Variants in RSRC1 observed in about 807,000 individuals in gnomAD.
RSRC1 encodes the protein arginine and serine rich coiled-coil 1, also known as serine/Arginine-related protein 53.
RSRC1 carries 39 observed loss-of-function variants against 49.1 expected under a neutral mutation model. The ratio of observed to expected loss-of-function variants is 0.79; its 90% CI spans 0.61 to 1.04. RSRC1 has a LOEUF of 1.04. Among genes scored for constraint, RSRC1 ranks in the 50% least tolerant of loss-of-function variants. The pLI, the probability that RSRC1 is intolerant of heterozygous loss-of-function variation, is 0.00. For missense variants in RSRC1, 388 were observed against 402.4 expected (o/e 0.96, Z 0.31); for synonymous variants, 143 against 130.8 (o/e 1.09, Z -0.63).
chr3:158,170,550 A>G (rs1718822732), intron 3 of RSRC1, among the ~76,000 whole-genome samples: 1 of 152,172 alleles, frequency 6.6e-6, no homozygotes, highest in African/African-American at 2.4e-5. Context: ...TGGAAACAAT[A>G]GCAAGTAGAC....
chr3:158,256,034 C>G (rs2108023493), intron 4 of RSRC1, among the ~76,000 whole-genome samples: 1 of 152,164 alleles, frequency 6.6e-6, no homozygotes, highest in African/African-American at 2.4e-5. Context: ...TCCTCTTTTC[C>G]TATTTGAATA....
At chr3:158,540,813 A>G (rs1017564826) in intron 8 of RSRC1, among the ~76,000 whole-genome samples, 4 of 152,214 alleles carry the variant, frequency 2.6e-5, no homozygotes, top group African/African-American at 9.6e-5. Context: ...CCATCTGACC[A>G]TTACAGAATA....
intron 6 of RSRC1, among the ~76,000 whole-genome samples, chr3:158,445,664 G>GA (rs987656272): frequency 6.6e-6 from 1 of 151,562 alleles, no homozygotes; most frequent in African/African-American, 2.4e-5. Flanking sequence ...CAACAACAAC[G>GA]AAAAAAACGA....
chr3:158,424,195 G>C (rs1735263463), intron 6 of RSRC1, among the ~76,000 whole-genome samples: 1 of 152,096 alleles, frequency 6.6e-6, no homozygotes, highest in Non-Finnish European at 1.5e-5. Context: ...TGCCCATTCA[G>C]TATGATACTG....
intron 3 of RSRC1, among the ~76,000 whole-genome samples, chr3:158,155,354 A>T (rs1717796322): frequency 6.6e-6 from 1 of 152,242 alleles, no homozygotes; most frequent in South Asian, 2.1e-4. Flanking sequence ...GTGTTAGCAG[A>T]CATGGAAACA....
chr3:158,200,831 T>C (rs1237760842), intron 3 of RSRC1, among the ~76,000 whole-genome samples: 1 of 152,174 alleles, frequency 6.6e-6, no homozygotes, highest in African/African-American at 2.4e-5. Context: ...CTACTTTCAG[T>C]ATAAACCTTA....
intron 1 of RSRC1, among the ~76,000 whole-genome samples, chr3:158,111,655 T>C (rs1384609207): frequency 6.6e-6 from 1 of 152,236 alleles, no homozygotes; most frequent in African/African-American, 2.4e-5. Flanking sequence ...ACCCCAGTTT[T>C]ACTTTTCTTC....
chr3:158,276,041 T>G, intron 4 of RSRC1: 1 of 853,444 alleles, frequency 1.2e-6, no homozygotes. Context: ...TCAAAAAATT[T>G]CTATGTGGGA....
At chr3:158,149,239 G>A (rs188415643) in intron 3 of RSRC1, among the ~76,000 whole-genome samples, 3 of 152,086 alleles carry the variant, frequency 2.0e-5, no homozygotes, top group African/African-American at 7.2e-5. Context: ...AAGCTCCTTT[G>A]ATATTTCTAT....
chr3:158,494,730 A>G (rs1415204749), intron 7 of RSRC1, among the ~76,000 whole-genome samples: 1 of 152,122 alleles, frequency 6.6e-6, no homozygotes, highest in Non-Finnish European at 1.5e-5. Flanking sequence ...TTTTTCGTTA[A>G]AACTAGGACT....
chr3:158,200,390 G>A (rs1445662907), intron 3 of RSRC1, among the ~76,000 whole-genome samples: 1 of 152,084 alleles, frequency 6.6e-6, no homozygotes, highest in Non-Finnish European at 1.5e-5. Context: ...TACATATTTT[G>A]TAGATAGCAT....
At chr3:158,311,803 C>A (rs1294718891) in intron 5 of RSRC1, among the ~76,000 whole-genome samples, 1 of 151,898 alleles carries the variant, frequency 6.6e-6, no homozygotes, top group Non-Finnish European at 1.5e-5. Flanking sequence ...ATACATATAT[C>A]AAAACATCAC....
chr3:158,187,644 G>T (rs910518525), intron 3 of RSRC1, among the ~76,000 whole-genome samples: 1 of 151,994 alleles, frequency 6.6e-6, no homozygotes, highest in Admixed American at 6.6e-5. Flanking sequence ...GTCGATCCTG[G>T]TTTTACAGTT....
chr3:158,296,412 G>A (rs2108114658), intron 4 of RSRC1, among the ~76,000 whole-genome samples: 1 of 151,778 alleles, frequency 6.6e-6, no homozygotes, highest in East Asian at 1.9e-4. Context: ...GTGATGGGAG[G>A]AAGACTTAAT....
At chr3:158,283,322 AT>A (rs75623410) in intron 4 of RSRC1, among the ~76,000 whole-genome samples, 2 of 151,854 alleles carry the variant, frequency 1.3e-5, no homozygotes, top group East Asian at 3.9e-4. Flanking sequence ...TGGACTAATA[AT>A]TTTTTTTCAT....
At position 158,453,056 on chromosome 3, in the gene RSRC1, T is replaced by C. The variant is rs191778913; in HGVS notation, c.584-7879T>C. Among the ~76,000 whole-genome samples the C allele has an allele frequency of 5.9e-5, 9 of 152,308 alleles. No homozygotes were observed. In the East Asian group the frequency reaches 9.6e-4, roughly 16 times the overall value. On this transcript the variant is annotated intron_variant, in intron 6 of 9. Coordinates refer to ENST00000611884, the MANE Select transcript of RSRC1 (RefSeq NM_001271838.2). Reference sequence around the variant, plus strand: ...ATTTAATATTTGTCTTGAAAATCTTTCCATATTAATATATATCAGGCCATC... The same window carrying C: ...ATTTAATATTTGTCTTGAAAATCTTCCCATATTAATATATATCAGGCCATC...
At chr3:158,437,011 A>G (rs891094966) in intron 6 of RSRC1, among the ~76,000 whole-genome samples, 17 of 128,262 alleles carry the variant, frequency 1.3e-4, no homozygotes, top group African/African-American at 4.0e-4. Context: ...TCTCTGCTAT[A>G]ATACCTCATA....
chr3:158,124,973 G>A (rs1578108769), intron 3 of RSRC1, among the ~76,000 whole-genome samples: 1 of 151,592 alleles, frequency 6.6e-6, no homozygotes, highest in Non-Finnish European at 1.5e-5. Flanking sequence ...ACACCACCAG[G>A]CCTGGCTGAC....
At chr3:158,475,744 CT>C (rs1738339751) in intron 7 of RSRC1, among the ~76,000 whole-genome samples, 2 of 152,040 alleles carry the variant, frequency 1.3e-5, no homozygotes, top group Non-Finnish European at 2.9e-5. Context: ...CTCTCTCTCT[CT>C]CCCTGGCCTG....
Sources: allele counts gnomAD v4.1 joint callset (sites outside exome capture counted in the v4.1 genomes callset), GRCh38; gene constraint gnomAD v4.1.1; transcripts MANE v1.5; gene names NCBI Gene and HGNC (gene_info 2026-07-23, HGNC 2026-07-21).